EARS2: variants seen among roughly 807,000 people sequenced by gnomAD.
EARS2 encodes the protein nondiscriminating glutamyl-tRNA synthetase EARS2, mitochondrial.
Under a neutral mutation model 54.1 loss-of-function variants are expected in EARS2, and 50 were observed. The ratio of observed to expected loss-of-function variants is 0.92; its 90% CI spans 0.74 to 1.17. The LOEUF (loss-of-function observed/expected upper bound fraction) is 1.17, where lower values mean the gene tolerates loss of function less well. Among genes scored for constraint, EARS2 ranks in the 50% most tolerant of loss-of-function variants. The pLI, the probability that EARS2 is intolerant of heterozygous loss-of-function variation, is 0.00. For synonymous variants in EARS2, 298 were observed against 281.0 expected (o/e 1.06, Z -0.61); for missense variants, 673 against 675.0 (o/e 1.00, Z 0.03).
At chr16:23,535,757 G>A (rs1965407253) in intron 3 of EARS2, among the ~76,000 whole-genome samples, 1 of 152,156 alleles carries the variant, frequency 6.6e-6, no homozygotes, top group African/African-American at 2.4e-5. Flanking sequence ...AAGGTTTAAG[G>A]TTCCGGGAAA....
intron 2 of EARS2, among the ~76,000 whole-genome samples, chr16:23,545,681 A>G (rs1470706270): frequency 6.6e-6 from 1 of 152,074 alleles, no homozygotes; most frequent in Non-Finnish European, 1.5e-5. Flanking sequence ...TTCTTTTTCT[A>G]AGAGATGGGG....
chr16:23,548,192 CCACTGCACTCCAGCCTGGGCGA>C (rs1005596919), intron 2 of EARS2, among the ~76,000 whole-genome samples: 2 of 151,114 alleles, frequency 1.3e-5, no homozygotes, highest in African/African-American at 4.9e-5. Context: ...CGAGATCGCA[CCACTGCACTCCAGCCTGGGCGA>C]CAGAGCGAGA....
Position 23,532,761 on chromosome 16 carries a change from G to C in EARS2, c.963C>G (p.Asn321Lys). 6.2e-7 allele frequency: 1 copy of C among 1,612,160 alleles called. No homozygotes were observed. The highest frequency in any genetic ancestry group is 1.3e-5 in the African/African-American group (1 of 74,962). The change falls in exon 5 of 9, where the codon AAC (asparagine) becomes AAG (lysine). Residue 321 changes from asparagine to lysine, a missense_variant. Physicochemically the swap from Asn to Lys is moderately conservative, Grantham distance 94. This residue lies in a region of EARS2 where 338 missense variants were observed against 361.2 expected (regional missense o/e 0.94). Coordinates refer to ENST00000449606, the MANE Select transcript of EARS2 (RefSeq NM_001083614.2). Reference sequence around the variant, plus strand: ...GCTCCGGCAGGGTCCTGCCCATTTGGTTCTCTGCAAAGAAGAGAGGCCCAG... The same window carrying C: ...GCTCCGGCAGGGTCCTGCCCATTTGCTTCTCTGCAAAGAAGAGAGGCCCAG... Reference protein sequence around the residue: ...ITNCGSGFAENQMGRTLPELI... With the variant: ...ITNCGSGFAEKQMGRTLPELI...
chr16:23,534,836 G>A, intron 4 of EARS2, 52 bp downstream of exon 4: 2 of 1,465,014 alleles, frequency 1.4e-6, no homozygotes, highest in South Asian at 2.8e-5. Context: ...CCAAAGCCCT[G>A]CTCCTCCTGG....
At chr16:23,526,176 G>A (rs1250747823) in intron 7 of EARS2, among the ~76,000 whole-genome samples, 18 of 141,386 alleles carry the variant, frequency 1.3e-4, no homozygotes, top group Admixed American at 1.3e-3. Context: ...GCAATGGCAC[G>A]ATCTCAGCTC....
At chr16:23,551,032 G>T (rs1472101356) in intron 2 of EARS2, among the ~76,000 whole-genome samples, 3 of 152,088 alleles carry the variant, frequency 2.0e-5, no homozygotes, top group Non-Finnish European at 2.9e-5. Flanking sequence ...CGTGTTTTGT[G>T]TGGCTTATAC....
Position 23,529,820 on chromosome 16 carries a change from T to C in EARS2, c.1145A>G (p.Glu382Gly), listed in dbSNP as rs1390993502. The C allele has an allele frequency of 6.2e-7, 1 of 1,613,994 alleles. No homozygotes were observed. The highest frequency in any genetic ancestry group is 1.3e-5 in the African/African-American group (1 of 74,892). The change falls in exon 6 of 9, where the codon GAG becomes GGG. Residue 382 changes from glutamate to glycine, a missense_variant. This residue lies in a region of EARS2 where 338 missense variants were observed against 361.2 expected (regional missense o/e 0.94). Transcript: ENST00000449606. ...GTTTTGCAGCTGGCAACCAAAGGCCTCCTCCACAAGGACCTGCAGCTTCCC... is the reference window on the plus strand; with the variant it reads ...GTTTTGCAGCTGGCAACCAAAGGCCCCCTCCACAAGGACCTGCAGCTTCCC... Reference protein sequence around the residue: ...LVGKLQVLVEEAFGCQLQNRD... With the variant: ...LVGKLQVLVEGAFGCQLQNRD...
intron 2 of EARS2, among the ~76,000 whole-genome samples, chr16:23,546,765 C>G (rs572409386): frequency 1.3e-5 from 2 of 152,330 alleles, no homozygotes; most frequent in African/African-American, 4.8e-5. Context: ...GCCTATGTTG[C>G]CCAGGCTGGT....
At chr16:23,548,252 T>TAAAG (rs2142190250) in intron 2 of EARS2, among the ~76,000 whole-genome samples, 1 of 148,666 alleles carries the variant, frequency 6.7e-6, no homozygotes, top group African/African-American at 2.5e-5. Context: ...AATAAATAAA[T>TAAAG]AAATAAATAA....
At chr16:23,557,361 A>G, upstream of EARS2, 1 of 1,538,716 alleles carries the variant, frequency 6.5e-7, no homozygotes, top group East Asian at 2.4e-5. Context: ...GGAATAGCAC[A>G]CGTGGGCTTC....
In EARS2 at chr16:23,557,283, G is replaced by T; in HGVS notation, c.61C>A (p.Pro21Thr). The change falls in exon 1 of 9, where the codon CCC (proline) becomes ACC (threonine). Residue 21 changes from proline to threonine, a missense_variant. This residue lies in a region of EARS2 where 316 missense variants were observed against 275.2 expected (regional missense o/e 1.15). Transcript: ENST00000449606. ...RERPSAASGR[P>T]VGRREANLGT... The stretch of plus-strand genomic sequence containing the variant: ...AGGTTGGCCTCGCGCCGTCCTACGG[G>T]GCGGCCAGAGGCCGCCGAAGGCCTC... 1 of 1,512,534 alleles carries T rather than the reference G, an allele frequency of 6.6e-7. No homozygotes were observed. The highest frequency in any genetic ancestry group is 8.8e-7 in the Non-Finnish European group (1 of 1,142,198). The allele number at this position is 1,512,534 out of a possible 1,614,324, so 93.7% of individuals were successfully genotyped here.
intron 5 of EARS2, among the ~76,000 whole-genome samples, chr16:23,530,945 G>A (rs911623936): frequency 2.0e-5 from 3 of 151,818 alleles, no homozygotes; most frequent in Non-Finnish European, 2.9e-5. Flanking sequence ...AGGCTGGAGT[G>A]CAATGGTGTG....
intron 3 of EARS2, among the ~76,000 whole-genome samples, chr16:23,538,687 A>T (rs1192362065): frequency 6.6e-6 from 1 of 152,082 alleles, no homozygotes; most frequent in Admixed American, 6.6e-5. Flanking sequence ...CCTTGTCTCT[A>T]CTAGAAATTT....
At chr16:23,530,379 T>G (rs1439739579) in intron 5 of EARS2, among the ~76,000 whole-genome samples, 1 of 152,168 alleles carries the variant, frequency 6.6e-6, no homozygotes, top group Non-Finnish European at 1.5e-5. Context: ...GCTCCCAAAG[T>G]GCCAGGATTA....
rs780087402 is a variant in EARS2, at chr16:23,535,203, C to A, written c.643G>T (p.Gly215Ter). The A allele has an allele frequency of 6.2e-7, 1 of 1,613,726 alleles. No individual in the cohort carries two copies. Residue 215 changes from glycine (G) to a stop codon, truncating the protein, a stop_gained, in exon 4 of 9, where the codon GGA (glycine) becomes TGA (stop). Coordinates refer to ENST00000449606, the MANE Select transcript of EARS2 (RefSeq NM_001083614.2). LOFTEE classifies it high-confidence loss of function. ...WNRHEVASVE[G>*]DPVIMKSDGF... ...TCGCTCTTCATGATGACTGGGTCTC[C>A]CTCCACGCTGGCCACTTCATGCCTA...
At chr16:23,550,309 G>C (rs1965672184) in intron 2 of EARS2, among the ~76,000 whole-genome samples, 1 of 151,208 alleles carries the variant, frequency 6.6e-6, no homozygotes, top group Non-Finnish European at 1.5e-5. Flanking sequence ...TGAGATTACA[G>C]TGAGCTGTGT....
chr16:23,524,172 G>A lies in EARS2; in HGVS notation c.*199C>T, dbSNP rs1965185074. ...TTCCAGAGTCCAGGAGGTTAGATGG[G>A]TTGGGCTTCCCCAGCCAATTGACAA... On this transcript the variant is annotated 3_prime_UTR_variant, in exon 9 of 9. Transcript: ENST00000449606. The A allele has an allele frequency of 1.6e-6, 1 of 611,800 alleles. No homozygotes were observed. The highest frequency in any genetic ancestry group is 1.8e-5 in the African/African-American group (1 of 54,080). The allele number at this position is 611,800 out of a possible 1,614,324, so 37.9% of individuals were successfully genotyped here. A position where few individuals can be genotyped will look rare whatever the true frequency, so the allele number is the denominator to read the frequency against.
Position 23,532,817 on chromosome 16 carries a change from C to T in EARS2, c.959-52G>A, listed in dbSNP as rs1965349812. On this transcript the variant is annotated intron_variant, in intron 4 of 8. Coordinates refer to ENST00000449606, the MANE Select transcript of EARS2 (RefSeq NM_001083614.2). ...CAGCTTCCTCTCTCCCTTCCTCCTT[C>T]CACTTTATCTCTTTTTTTTAAGAGA... 8.4e-6 allele frequency: 11 copies of T among 1,309,212 alleles called. No homozygotes were observed. The East Asian group carries it at 2.6e-4, about 31-fold the overall frequency. The allele number at this position is 1,309,212 out of a possible 1,614,324, so 81.1% of individuals were successfully genotyped here.
At chr16:23,538,296 C>A (rs8058450) in intron 3 of EARS2, among the ~76,000 whole-genome samples, 1 of 151,796 alleles carries the variant, frequency 6.6e-6, no homozygotes, top group African/African-American at 2.4e-5. Flanking sequence ...TACAGGTGCA[C>A]GCCACCATGC....
Sources: allele counts gnomAD v4.1 joint callset (sites outside exome capture counted in the v4.1 genomes callset), GRCh38; gene constraint gnomAD v4.1.1; regional missense constraint gnomAD v4.1.1; transcripts MANE v1.5; gene names NCBI Gene and HGNC (gene_info 2026-07-23, HGNC 2026-07-21).